The following ATF3 variants were observed in gnomAD, a reference collection of about 807,000 sequenced individuals.
ATF3 encodes the protein cyclic AMP-dependent transcription factor ATF-3.
A neutral mutation model predicts 18.4 loss-of-function variants in ATF3; 10 were observed. The ratio of observed to expected loss-of-function variants is 0.54; its 90% CI spans 0.34 to 0.92. The LOEUF (loss-of-function observed/expected upper bound fraction) is 0.92. Ranked by LOEUF, ATF3 falls within the 40% of genes least tolerant of loss-of-function variation. ATF3 has a pLI of 0.02. For missense variants in ATF3, 183 were observed against 222.3 expected (o/e 0.82, Z 1.12); for synonymous variants, 78 against 87.9 (o/e 0.89, Z 0.63).
At chr1:212,605,601 G>C (rs1037033624), upstream of ATF3, among the ~76,000 whole-genome samples, 24 of 152,230 alleles carry the variant, frequency 1.6e-4, no homozygotes, top group African/African-American at 5.8e-4. Context: ...CTAAGAAACT[G>C]CTAGAACCTT....
At chr1:212,569,544 G>A (rs1343198871) in intron 1 of ATF3, among the ~76,000 whole-genome samples, 1 of 152,118 alleles carries the variant, frequency 6.6e-6, no homozygotes, top group South Asian at 2.1e-4. Context: ...ATGCCTGTGT[G>A]TCCACAGTGG....
intron 1 of ATF3, among the ~76,000 whole-genome samples, chr1:212,568,158 C>T (rs957796572): frequency 6.6e-6 from 1 of 152,138 alleles, no homozygotes; most frequent in Non-Finnish European, 1.5e-5. Flanking sequence ...TGGTTTGTTA[C>T]TGCATCTAGC....
chr1:212,573,809 C>G (rs762172776), intron 1 of ATF3, among the ~76,000 whole-genome samples: 2 of 151,650 alleles, frequency 1.3e-5, no homozygotes, highest in African/African-American at 2.4e-5. Flanking sequence ...TATATATTTT[C>G]AGACTATTCA....
At chr1:212,567,243 C>T (rs575429379) in intron 1 of ATF3, among the ~76,000 whole-genome samples, 59 of 152,096 alleles carry the variant, frequency 3.9e-4, no homozygotes, top group Admixed American at 2.6e-3. Context: ...AGCATGCTGT[C>T]CCCCTGCTGA....
At chr1:212,598,662 G>C (rs760730383) in intron 1 of ATF3, among the ~76,000 whole-genome samples, 2 of 152,060 alleles carry the variant, frequency 1.3e-5, no homozygotes, top group Non-Finnish European at 2.9e-5. Flanking sequence ...TGTGTCCATG[G>C]GTTCAATTGT....
chr1:212,576,721 C>CTTTT (rs57512671), intron 1 of ATF3, among the ~76,000 whole-genome samples: 7,690 of 56,832 alleles, frequency 0.14, 1,122 homozygotes, highest in Non-Finnish European at 0.17. Flanking sequence ...CTTTTCTTTT[C>CTTTT]TTTTTTTTTT....
intron 1 of ATF3, among the ~76,000 whole-genome samples, chr1:212,599,567 C>T (rs1023819337): frequency 6.6e-6 from 1 of 152,208 alleles, no homozygotes; most frequent in Non-Finnish European, 1.5e-5. Flanking sequence ...CCCTCTCTCT[C>T]CTCTCTCCTC....
Position 212,616,814 on chromosome 1 carries a change from G to A in ATF3, c.241-1313G>A, listed in dbSNP as rs377419889. Among the ~76,000 whole-genome samples the A allele has an allele frequency of 3.3e-5, 5 of 152,164 alleles. No homozygotes were observed. In the East Asian group the frequency reaches 5.8e-4, roughly 18 times the overall value. Reference sequence around the variant, plus strand: ...TTTGCTGATAGATTGGATGTGGGGTGTAAGAGAAAGGGAAGACTCAAGGGT... The same window carrying A: ...TTTGCTGATAGATTGGATGTGGGGTATAAGAGAAAGGGAAGACTCAAGGGT... On this transcript the variant is annotated intron_variant, in intron 2 of 3. Coordinates refer to ENST00000341491, the MANE Select transcript of ATF3 (RefSeq NM_001674.4).
chr1:212,610,645 CATT>C (rs1654856808), intron 1 of ATF3, among the ~76,000 whole-genome samples: 1 of 152,192 alleles, frequency 6.6e-6, no homozygotes, highest in Non-Finnish European at 1.5e-5. Context: ...GCCCTTTAGC[CATT>C]ATAGAATTCC....
At chr1:212,615,308 G>T (rs754901359) in intron 2 of ATF3, 47 bp downstream of exon 2, 3 of 1,585,872 alleles carry the variant, frequency 1.9e-6, no homozygotes, top group East Asian at 2.3e-5. Context: ...TGTTTCGCTC[G>T]CAGCCACTGT....
At chr1:212,592,092 T>G (rs1198892435) in intron 1 of ATF3, among the ~76,000 whole-genome samples, 1 of 152,208 alleles carries the variant, frequency 6.6e-6, no homozygotes, top group African/African-American at 2.4e-5. Flanking sequence ...ATCACCACCA[T>G]CTGTCTCCAG....
At chr1:212,587,893 C>T (rs548768865) in intron 1 of ATF3, among the ~76,000 whole-genome samples, 31 of 143,246 alleles carry the variant, frequency 2.2e-4, no homozygotes, top group Admixed American at 1.8e-3. Flanking sequence ...GTGTGGGATA[C>T]GGTGCCTGTA....
chr1:212,570,200 A>T (rs984301111), intron 1 of ATF3, among the ~76,000 whole-genome samples: 3 of 152,178 alleles, frequency 2.0e-5, no homozygotes, highest in African/African-American at 4.8e-5. Context: ...AGTTATATTT[A>T]TATATTTTTG....
chr1:212,615,719 G>T (rs1041098410), intron 2 of ATF3, among the ~76,000 whole-genome samples: 1 of 151,066 alleles, frequency 6.6e-6, no homozygotes, highest in Non-Finnish European at 1.5e-5. Context: ...TGGGAGGACC[G>T]CTTGAGCCCA....
At chr1:212,587,949 G>A (rs948625801) in intron 1 of ATF3, among the ~76,000 whole-genome samples, 2 of 151,954 alleles carry the variant, frequency 1.3e-5, no homozygotes, top group Non-Finnish European at 2.9e-5. Flanking sequence ...CTGCTGGGGC[G>A]GCGGGGGTGG....
At chr1:212,591,233 G>A (rs1426385086) in intron 1 of ATF3, among the ~76,000 whole-genome samples, 1 of 152,166 alleles carries the variant, frequency 6.6e-6, no homozygotes, top group Non-Finnish European at 1.5e-5. Context: ...GGAGCCTCCT[G>A]CACCGCAGTC....
intron 1 of ATF3, among the ~76,000 whole-genome samples, chr1:212,589,558 T>C (rs749674644): frequency 1.4e-4 from 21 of 152,074 alleles, no homozygotes; most frequent in Non-Finnish European, 1.0e-4. Context: ...AAAGAGCACC[T>C]GTAATCCCAG....
At chr1:212,568,222 A>C (rs915696748) in intron 1 of ATF3, among the ~76,000 whole-genome samples, 2 of 152,210 alleles carry the variant, frequency 1.3e-5, no homozygotes, top group Non-Finnish European at 2.9e-5. Context: ...TGTTAAGAAA[A>C]AAATCATGAA....
At chr1:212,579,006 CTTTTT>C (rs10565752) in intron 1 of ATF3, among the ~76,000 whole-genome samples, 2 of 84,544 alleles carry the variant, frequency 2.4e-5, no homozygotes, top group Admixed American at 1.4e-4. Flanking sequence ...TCTCTGGAGA[CTTTTT>C]TTTTTTTTTT....
Sources: gnomAD v4.1 joint callset for allele counts (sites outside exome capture counted in the v4.1 genomes callset) on GRCh38, gnomAD v4.1.1 for gene constraint, MANE v1.5 for transcripts, NCBI Gene and HGNC (gene_info 2026-07-23, HGNC 2026-07-21) for gene names.